The following NR3C2 variants were observed in gnomAD, a reference collection of about 807,000 sequenced individuals.
NR3C2 encodes the protein nuclear receptor subfamily 3 group C member 2.
A neutral mutation model predicts 86.4 loss-of-function variants in NR3C2; 15 were observed. That is an observed-to-expected ratio of 0.17 (90% CI 0.12 to 0.27). The LOEUF is 0.27. Ranked by LOEUF, NR3C2 falls within the 10% of genes least tolerant of loss-of-function variation. The pLI is 1.00. For missense variants in NR3C2, 960 were observed against 1,195.6 expected (o/e 0.80, Z 2.91); for synonymous variants, 458 against 450.5 (o/e 1.02, Z -0.21).
In NR3C2 at chr4:148,263,578, C is replaced by T. The variant is rs535758304; in HGVS notation, c.1758-3461G>A. 8.5e-4 allele frequency among the ~76,000 whole-genome samples: 130 copies of T among 152,330 alleles called. 4 individuals carry two copies. The South Asian group carries it at 0.025, about 30-fold the overall frequency. On this transcript the variant is annotated intron_variant, in intron 2 of 8. Coordinates refer to ENST00000358102, the MANE Select transcript of NR3C2 (RefSeq NM_000901.5). ...ACTTCTATGCTTAGAAATCTTCAAT[C>T]ATCCCTTCCGAATGCCACCATAAAT...
intron 2 of NR3C2, among the ~76,000 whole-genome samples, chr4:148,410,187 T>C (rs1479552331): frequency 6.6e-6 from 1 of 152,210 alleles, no homozygotes; most frequent in Admixed American, 6.5e-5. Flanking sequence ...ACATGTAAAT[T>C]TCCCATTGTT....
intron 6 of NR3C2, among the ~76,000 whole-genome samples, chr4:148,122,102 G>A (rs1227934512): frequency 6.6e-6 from 1 of 152,132 alleles, no homozygotes; most frequent in Non-Finnish European, 1.5e-5. Context: ...TTTGATGGGA[G>A]GTTGAATGGA....
intron 4 of NR3C2, among the ~76,000 whole-genome samples, chr4:148,193,453 C>T (rs1206644966): frequency 6.6e-6 from 1 of 152,202 alleles, no homozygotes; most frequent in East Asian, 1.9e-4. Flanking sequence ...CCTCCGCATG[C>T]TGCTTTTTCT....
chr4:148,237,973 T>C (rs2149844202), intron 3 of NR3C2, among the ~76,000 whole-genome samples: 1 of 152,288 alleles, frequency 6.6e-6, no homozygotes, highest in African/African-American at 2.4e-5. Context: ...TGAACCCAAA[T>C]GAGAAACCTC....
intron 1 of NR3C2, among the ~76,000 whole-genome samples, chr4:148,438,905 A>G (rs1750202934): frequency 6.6e-6 from 1 of 152,256 alleles, no homozygotes; most frequent in African/African-American, 2.4e-5. Context: ...TTATAATATC[A>G]ATGCTCAATT....
At chr4:148,171,004 T>A (rs1735100209) in intron 4 of NR3C2, among the ~76,000 whole-genome samples, 2 of 152,222 alleles carry the variant, frequency 1.3e-5, no homozygotes, top group Non-Finnish European at 2.9e-5. Flanking sequence ...TAATGACTGG[T>A]TGATCTCAAC....
intron 8 of NR3C2, among the ~76,000 whole-genome samples, chr4:148,103,931 C>T (rs1426617437): frequency 6.6e-6 from 1 of 152,204 alleles, no homozygotes; most frequent in Non-Finnish European, 1.5e-5. Context: ...GCTGAAATCA[C>T]ATTTTCACCT....
Position 148,142,821 on chromosome 4 carries a change from T to C in NR3C2, c.2510+9648A>G, listed in dbSNP as rs536886872. The stretch of plus-strand genomic sequence containing the variant: ...AGCCTCGGGGTGGATTTCGAATCGA[T>C]GGTTTAGCACCACCGCCTTGCTCTA... On this transcript the variant is annotated intron_variant, in intron 6 of 8. Transcript: ENST00000358102. Among the ~76,000 whole-genome samples, 43 of 152,292 alleles carry C rather than the reference T, an allele frequency of 2.8e-4. No individual in the cohort carries two copies. The Middle Eastern group carries it at 0.027, about 96-fold the overall frequency.
intron 8 of NR3C2, among the ~76,000 whole-genome samples, chr4:148,098,403 T>G (rs542791180): frequency 6.6e-6 from 1 of 152,140 alleles, no homozygotes; most frequent in African/African-American, 2.4e-5. Context: ...CTTAGGAACA[T>G]AGACAGCACT....
At chr4:148,097,292 C>T (rs10032250) in intron 8 of NR3C2, among the ~76,000 whole-genome samples, 34,140 of 152,022 alleles carry the variant, frequency 0.22, 4,567 homozygotes, top group African/African-American at 0.37. Context: ...GCCTACATTT[C>T]CTGGGGGTTA....
chr4:148,125,804 A>G (rs1485145380), intron 6 of NR3C2, among the ~76,000 whole-genome samples: 1 of 152,254 alleles, frequency 6.6e-6, no homozygotes, highest in Non-Finnish European at 1.5e-5. Flanking sequence ...AAAAAAGAAA[A>G]GAGAACAGTT....
chr4:148,173,405 G>A (rs1735224835), intron 4 of NR3C2, among the ~76,000 whole-genome samples: 2 of 152,168 alleles, frequency 1.3e-5, no homozygotes, highest in Admixed American at 6.5e-5. Context: ...GCAGGACCAG[G>A]AGAAAGGGAG....
At chr4:148,268,822 C>T (rs970196484) in intron 2 of NR3C2, among the ~76,000 whole-genome samples, 3 of 152,202 alleles carry the variant, frequency 2.0e-5, no homozygotes, top group African/African-American at 7.2e-5. Flanking sequence ...CAACCAACAA[C>T]GTGGCATGGA....
At chr4:148,193,699 T>C (rs1736308971) in intron 4 of NR3C2, among the ~76,000 whole-genome samples, 1 of 152,228 alleles carries the variant, frequency 6.6e-6, no homozygotes, top group South Asian at 2.1e-4. Context: ...GAATCTGCAA[T>C]ATGAAACCCA....
chr4:148,355,742 T>C (rs1745521349), intron 2 of NR3C2, among the ~76,000 whole-genome samples: 3 of 152,212 alleles, frequency 2.0e-5, no homozygotes, highest in Non-Finnish European at 2.9e-5. Context: ...ACTGGGAGGA[T>C]ACTGGCAAGT....
chr4:148,120,689 A>T (rs2149733860), intron 6 of NR3C2, among the ~76,000 whole-genome samples: 1 of 152,320 alleles, frequency 6.6e-6, no homozygotes, highest in South Asian at 2.1e-4. Flanking sequence ...CACTTATAGG[A>T]AAGGACTGGG....
intron 3 of NR3C2, among the ~76,000 whole-genome samples, chr4:148,196,987 C>G (rs1312547461): frequency 6.6e-6 from 1 of 152,148 alleles, no homozygotes. Context: ...CACAGAACAA[C>G]CCTATGACAT....
At chr4:148,379,133 T>C (rs146971219) in intron 2 of NR3C2, among the ~76,000 whole-genome samples, 96 of 152,316 alleles carry the variant, frequency 6.3e-4, no homozygotes, top group Middle Eastern at 3.4e-3. Flanking sequence ...GAAATTAAAA[T>C]TGATCTCATA....
intron 2 of NR3C2, among the ~76,000 whole-genome samples, chr4:148,312,021 C>T (rs1742925962): frequency 6.6e-6 from 1 of 152,178 alleles, no homozygotes; most frequent in African/African-American, 2.4e-5. Context: ...CACAGTGATG[C>T]TTCTGATTTA....
Sources: allele counts gnomAD v4.1 joint callset (sites outside exome capture counted in the v4.1 genomes callset), GRCh38; gene constraint gnomAD v4.1.1; transcripts MANE v1.5; gene names NCBI Gene and HGNC (gene_info 2026-07-23, HGNC 2026-07-21).